CTBP2: variants seen among roughly 807,000 people sequenced by gnomAD.
The protein encoded by CTBP2 is C-terminal-binding protein 2.
A neutral mutation model predicts 80.3 loss-of-function variants in CTBP2; 30 were observed. That is an observed-to-expected ratio of 0.37 (90% CI 0.28 to 0.51). CTBP2 has a LOEUF of 0.51. CTBP2 is among the 20% of genes least tolerant of loss of function. The probability of loss-of-function intolerance (pLI) is 0.93; values close to 1 mark genes in which losing one functional copy is unlikely to be tolerated. For missense variants in CTBP2, 1,212 were observed against 1,375.3 expected, an observed-to-expected ratio of 0.88 and a Z score of 1.88; for synonymous variants, 594 against 587.4, an observed-to-expected ratio of 1.01 and a Z score of -0.16.
intron 1 of CTBP2, among the ~76,000 whole-genome samples, chr10:125,114,863 G>A (rs7912889): frequency 0.15 from 19,079 of 129,726 alleles, 1,993 homozygotes; most frequent in African/African-American, 0.31. Context: ...CCCCCATGCC[G>A]CCTGCTGTGA....
Position 125,115,048 on chromosome 10 carries a change from G to A in CTBP2, c.-205-3955C>T, listed in dbSNP as rs182203260. On this transcript the variant is annotated intron_variant, in intron 1 of 10. Coordinates refer to the CTBP2 transcript ENST00000337195. ...CTCCTCCTCCTACTACTGTCCCGCC[G>A]TGGATGGCGAAGGATTCATCACCCC... Among the ~76,000 whole-genome samples, 253 of 152,230 alleles carry A rather than the reference G, an allele frequency of 1.7e-3. 3 individuals carry two copies. Among genetic ancestry groups the A allele is most frequent in the Admixed American group, 0.015 (223 of 15,296 alleles).
At chr10:125,022,335 C>T (rs562072528) in intron 1 of CTBP2, among the ~76,000 whole-genome samples, 2 of 152,360 alleles carry the variant, frequency 1.3e-5, no homozygotes, top group East Asian at 1.9e-4. Flanking sequence ...TATGAATTGC[C>T]TTTCCTGGCC....
chr10:125,005,824 CCACA>C (rs1955169158), intron 1 of CTBP2: 2 of 1,605,774 alleles, frequency 1.2e-6, no homozygotes, highest in Admixed American at 1.7e-5. Flanking sequence ...AGGCGGTCGC[CCACA>C]CACAGTGAGG....
chr10:125,143,363 A>G (rs899787557), intron 1 of CTBP2, among the ~76,000 whole-genome samples: 10 of 152,064 alleles, frequency 6.6e-5, no homozygotes, highest in Admixed American at 1.3e-4. Flanking sequence ...CTGTAATCCC[A>G]CCTACTCAGG....
intron 1 of CTBP2, among the ~76,000 whole-genome samples, chr10:125,003,710 C>T (rs776538091): frequency 3.5e-4 from 53 of 151,996 alleles, no homozygotes; most frequent in Non-Finnish European, 6.1e-4. Flanking sequence ...GAGACGCACA[C>T]GGCTGCTTCC....
intron 2 of CTBP2, among the ~76,000 whole-genome samples, chr10:125,063,827 A>G (rs777692398): frequency 1.3e-5 from 2 of 152,220 alleles, no homozygotes; most frequent in Non-Finnish European, 2.9e-5. Flanking sequence ...TGTCACAGCG[A>G]TTCTCAAAGC....
intron 1 of CTBP2, among the ~76,000 whole-genome samples, chr10:125,152,114 C>T (rs1218359926): frequency 6.6e-6 from 1 of 151,982 alleles, no homozygotes; most frequent in East Asian, 1.9e-4. Context: ...GGCGGGGCCG[C>T]GCCGCCAGGT....
chr10:125,155,918 A>C (rs1366055981), intron 1 of CTBP2, among the ~76,000 whole-genome samples: 2 of 152,210 alleles, frequency 1.3e-5, no homozygotes, highest in Non-Finnish European at 2.9e-5. Context: ...TATCCATTCC[A>C]GCATTTCATG....
intron 1 of CTBP2, among the ~76,000 whole-genome samples, chr10:125,018,694 C>T (rs889625396): frequency 3.3e-5 from 5 of 152,230 alleles, no homozygotes; most frequent in Non-Finnish European, 7.4e-5. Flanking sequence ...GCAAGAGGCA[C>T]ATTCCATGGG....
chr10:125,023,542 G>A (rs980262793), intron 1 of CTBP2, among the ~76,000 whole-genome samples: 6 of 152,158 alleles, frequency 3.9e-5, no homozygotes, highest in Non-Finnish European at 7.3e-5. Flanking sequence ...GCCTGAGAGC[G>A]ACAGCCGACC....
intron 2 of CTBP2, among the ~76,000 whole-genome samples, chr10:125,099,214 A>T (rs542009443): frequency 1.3e-5 from 2 of 152,342 alleles, no homozygotes; most frequent in East Asian, 3.9e-4. Context: ...TGTTCTTGCC[A>T]AGTGCCAAGA....
rs1168188997 is a variant in CTBP2, at chr10:125,027,927, G to T, written c.-168C>A. On this transcript the variant is annotated 5_prime_UTR_variant, in exon 1 of 9. Transcript: ENST00000309035. The stretch of plus-strand genomic sequence containing the variant: ...GCATGGCCTGAATTATTAATCCTCC[G>T]AAACCTTAGCAGACAAAACATAAGA... 19 of 1,421,476 alleles carry T rather than the reference G, an allele frequency of 1.3e-5. No homozygotes were observed. Among genetic ancestry groups the T allele is most frequent in the Non-Finnish European group, 1.5e-5 (16 of 1,092,408 alleles). 88.1% of individuals were successfully genotyped at this position (1,421,476 alleles called of 1,614,324 possible). A position where few individuals can be genotyped will look rare whatever the true frequency, so the allele number is the denominator to read the frequency against.
At chr10:125,101,431 G>A (rs1850601619) in intron 2 of CTBP2, among the ~76,000 whole-genome samples, 1 of 152,238 alleles carries the variant, frequency 6.6e-6, no homozygotes, top group Admixed American at 6.5e-5. Context: ...CATAGGAGCG[G>A]GTGCAGCAGC....
At chr10:124,996,682 T>C (rs2134166895) in intron 4 of CTBP2, 1 of 152,040 alleles carries the variant, frequency 6.6e-6, no homozygotes, top group South Asian at 2.1e-4. Flanking sequence ...CCCCACCGTG[T>C]ACCCAGGGTG....
At chr10:125,161,092 C>T (rs1861856308), upstream of CTBP2, 1 of 142,958 alleles carries the variant, frequency 7.0e-6, no homozygotes, top group Non-Finnish European at 1.6e-5. Flanking sequence ...AAGGCGGGGT[C>T]TCTTTTTGCA....
intron 6 of CTBP2, 91 bp from the exon 9 acceptor site, chr10:124,993,420 A>G: frequency 7.2e-7 from 1 of 1,398,336 alleles, no homozygotes; most frequent in Non-Finnish European, 9.7e-7. Context: ...GCCATGTAGA[A>G]AAGTAGCTAC....
rs1952064206 is a variant in CTBP2, at chr10:124,986,985, CA to C, written c.*2532del. 3 of 150,370 alleles carry C rather than the reference CA, an allele frequency of 2.0e-5. No individual in the cohort carries two copies. Among genetic ancestry groups the C allele is most frequent in the African/African-American group, 7.6e-5 (3 of 39,384 alleles). The allele number at this position is 150,370 out of a possible 1,614,324, so 9.3% of individuals were successfully genotyped here. A position where few individuals can be genotyped will look rare whatever the true frequency, so the allele number is the denominator to read the frequency against. ...GCTCTATTATTTATTTATTTATTAT[CA>C]ATCAGTGACCCTGACCACATAGTGT... On this transcript the variant is annotated 3_prime_UTR_variant, in exon 9 of 9. Coordinates refer to ENST00000309035, the MANE Select transcript of CTBP2 (RefSeq NM_022802.3).
chr10:125,002,260 A>G (rs1954628174), intron 3 of CTBP2, among the ~76,000 whole-genome samples: 1 of 152,220 alleles, frequency 6.6e-6, no homozygotes. Flanking sequence ...GCTCGATGCC[A>G]GCGGTCTGCT....
At chr10:125,054,427 C>T (rs767279044) in intron 2 of CTBP2, among the ~76,000 whole-genome samples, 3 of 152,268 alleles carry the variant, frequency 2.0e-5, no homozygotes, top group Non-Finnish European at 4.4e-5. Context: ...AAACCAAGGC[C>T]CTCAGTCCCA....
Sources: gnomAD v4.1 joint callset for allele counts (sites outside exome capture counted in the v4.1 genomes callset) on GRCh38, gnomAD v4.1.1 for gene constraint, MANE v1.5 for transcripts, NCBI Gene and HGNC (gene_info 2026-07-23, HGNC 2026-07-21) for gene names.